Variants in SYTL2 observed in about 807,000 individuals in gnomAD.
SYTL2 encodes synaptotagmin like 2.
In SYTL2, 165 loss-of-function variants were observed where a neutral mutation model predicts 198.7. That is an observed-to-expected ratio of 0.83 (90% CI 0.73 to 0.94). The LOEUF (loss-of-function observed/expected upper bound fraction) is 0.94, where lower values mean the gene tolerates loss of function less well. SYTL2 is among the 40% of genes least tolerant of loss of function. The pLI, the probability that SYTL2 is intolerant of heterozygous loss-of-function variation, is 0.00. For missense variants in SYTL2, 2,835 were observed against 2,582.8 expected, an observed-to-expected ratio of 1.10 and a Z score of -2.12; for synonymous variants, 966 against 917.7, an observed-to-expected ratio of 1.05 and a Z score of -0.95.
At chr11:85,716,041 C>T (rs527678917) in intron 11 of SYTL2, among the ~76,000 whole-genome samples, 3 of 151,988 alleles carry the variant, frequency 2.0e-5, no homozygotes, top group Admixed American at 6.6e-5. Flanking sequence ...GAAAATATCA[C>T]AAAAAAGGGA....
At chr11:85,834,715 T>C in the SYTL2 span, among the ~76,000 whole-genome samples, 5 of 151,982 alleles carry the variant, frequency 3.3e-5, no homozygotes, top group Non-Finnish European at 2.9e-5. Flanking sequence ...GCAGGATAGA[T>C]TAAGCTATGA....
chr11:85,708,165 A>AT (rs1165181966), intron 14 of SYTL2: 1 of 433,522 alleles, frequency 2.3e-6, no homozygotes, highest in Non-Finnish European at 4.6e-6. Flanking sequence ...AAAAAAAAAA[A>AT]GAAAAAAAGA....
Position 85,772,785 on chromosome 11 carries a change from T to C in SYTL2, c.-389-14671A>G, listed in dbSNP as rs559309582. ...CCTAATGAGCAAATTTCATAAAATA[T>C]TCAGCTGGCCTTTTGGAGAAAAACA... On this transcript the variant is annotated intron_variant, in intron 1 of 19. Transcript: ENST00000359152. 7.2e-5 allele frequency among the ~76,000 whole-genome samples: 11 copies of C among 152,344 alleles called. No individual in the cohort carries two copies. In the South Asian group the frequency reaches 8.3e-4, roughly 11 times the overall value.
intron 1 of SYTL2, among the ~76,000 whole-genome samples, chr11:85,797,875 A>G (rs768260627): frequency 2.3e-4 from 35 of 151,784 alleles, no homozygotes; most frequent in Non-Finnish European, 4.4e-5. Flanking sequence ...GCTGCTTGAG[A>G]AGGAGTCTCA....
intron 3 of SYTL2, among the ~76,000 whole-genome samples, chr11:85,746,288 T>A (rs752405885): frequency 2.0e-5 from 3 of 152,164 alleles, no homozygotes; most frequent in Admixed American, 6.5e-5. Context: ...TCTCTACAAA[T>A]CCAAAACTAC....
rs534450850 is a variant in SYTL2 at position 85,748,283 on chromosome 11, G to T, written c.242C>A (p.Pro81His). Reference protein sequence around the residue: ...IIRASMRKKRPQIAAEQSKDR... With the variant: ...IIRASMRKKRHQIAAEQSKDR... ...CCAAGTCAACTCACCTGCTATCTGG[G>T]GCCTCTTCTTTCTCATAGATGCTCT... Residue 81 changes from proline to histidine, a missense_variant, in exon 3 of 20, where the codon CCC (proline) becomes CAC (histidine). Coordinates refer to ENST00000359152, the MANE Select transcript of SYTL2 (RefSeq NM_206927.4). The T allele has an allele frequency of 4.3e-6, 7 of 1,612,760 alleles. No homozygotes were observed. The South Asian group carries it at 6.6e-5, about 15-fold the overall frequency.
intron 1 of SYTL2, among the ~76,000 whole-genome samples, chr11:85,807,294 C>T (rs996749415): frequency 2.0e-5 from 3 of 152,218 alleles, no homozygotes; most frequent in African/African-American, 7.2e-5. Context: ...ACTTGAGTCC[C>T]AATAGAGCAT....
chr11:85,725,867 C>T lies in SYTL2; in HGVS notation c.3491G>A (p.Ser1164Asn), dbSNP rs369714015. ...AGGCCATGTCCTATTTTCAGAAACA[C>T]TTGGTTCAAGCACTTGTTTTCCATG... ...KVHGKQVLEP[S>N]VSENRTWPQK... is the part of the protein sequence containing the mutation. The change falls in exon 8 of 20, where the codon AGT (serine) becomes AAT (asparagine). Residue 1164 changes from serine to asparagine, a missense_variant. Coordinates refer to ENST00000359152, the MANE Select transcript of SYTL2 (RefSeq NM_206927.4). The T allele has an allele frequency of 1.8e-4, 289 of 1,613,860 alleles. 3 individuals are homozygous for T. In the South Asian group the frequency reaches 3.0e-3, roughly 17 times the overall value.
At chr11:85,814,282 T>C (rs1298940675), upstream of SYTL2, among the ~76,000 whole-genome samples, 2 of 152,202 alleles carry the variant, frequency 1.3e-5, no homozygotes, top group Non-Finnish European at 2.9e-5. Flanking sequence ...TCCTTCAACA[T>C]CTACCTTGGT....
chr11:85,725,128 G>A lies in SYTL2; in HGVS notation c.4230C>T (p.Pro1410=). ...FPEAVQPVCS[P]LNPPGVISPW... Reference sequence around the variant, plus strand: ...GTGATATCACTCCTGGAGGATTTAGGGGGCTACATACTGGCTGTACTGCTT... The same window carrying A: ...GTGATATCACTCCTGGAGGATTTAGAGGGCTACATACTGGCTGTACTGCTT... Residue 1410 remains proline, a synonymous_variant, in exon 8 of 20, where the codon CCC becomes CCT. Transcript: ENST00000359152. 1 of 1,614,092 alleles carries A rather than the reference G, an allele frequency of 6.2e-7. No individual in the cohort carries two copies. Among genetic ancestry groups the A allele is most frequent in the South Asian group, 1.1e-5 (1 of 91,064 alleles).
chr11:85,848,632 TG>T, the SYTL2 span, among the ~76,000 whole-genome samples: 1 of 152,266 alleles, frequency 6.6e-6, no homozygotes, highest in African/African-American at 2.4e-5. Flanking sequence ...CTTGATTTTT[TG>T]TTATATTCTA....
chr11:85,753,249 A>T (rs897811790), intron 2 of SYTL2, among the ~76,000 whole-genome samples: 3 of 152,172 alleles, frequency 2.0e-5, no homozygotes, highest in African/African-American at 7.2e-5. Context: ...AGCAGGAGAG[A>T]AGACACAGGA....
At chr11:85,784,237 C>T (rs781262594) in intron 1 of SYTL2, among the ~76,000 whole-genome samples, 1 of 152,172 alleles carries the variant, frequency 6.6e-6, no homozygotes, top group Admixed American at 6.5e-5. Context: ...TGAGACTATG[C>T]TTTGCAATAT....
intron 6 of SYTL2, 101 bp downstream of exon 6, chr11:85,736,400 C>G (rs2090338695): frequency 2.3e-5 from 15 of 645,946 alleles, no homozygotes; most frequent in South Asian, 2.3e-4. Context: ...GGACTTTTCA[C>G]TTTCTCTTGG....
chr11:85,836,150 T>A, the SYTL2 span, among the ~76,000 whole-genome samples: 110 of 152,254 alleles, frequency 7.2e-4, no homozygotes, highest in Non-Finnish European at 2.2e-4. Flanking sequence ...TCACTTATCT[T>A]CCATGGTATT....
chr11:85,738,405 C>G (rs1392679923), intron 4 of SYTL2, among the ~76,000 whole-genome samples: 1 of 152,012 alleles, frequency 6.6e-6, no homozygotes, highest in Non-Finnish European at 1.5e-5. Flanking sequence ...TAAAATACAG[C>G]CTGATTACAT....
At chr11:85,850,797 C>G in the SYTL2 span, among the ~76,000 whole-genome samples, 1 of 150,626 alleles carries the variant, frequency 6.6e-6, no homozygotes, top group Non-Finnish European at 1.5e-5. Flanking sequence ...CAATGATAGA[C>G]TGGATTAAGA....
intron 2 of SYTL2, among the ~76,000 whole-genome samples, chr11:85,754,899 A>G (rs1315472133): frequency 6.6e-6 from 1 of 152,190 alleles, no homozygotes; most frequent in Non-Finnish European, 1.5e-5. Flanking sequence ...CAGAGGGAAA[A>G]GCACCGGCCC....
Position 85,694,775 on chromosome 11 carries a change from C to G in SYTL2, c.*420G>C, listed in dbSNP as rs1037615498. 6.6e-6 allele frequency: 1 copy of G among 152,542 alleles called. No individual in the cohort carries two copies. Among genetic ancestry groups the G allele is most frequent in the Non-Finnish European group, 1.5e-5 (1 of 68,480 alleles). The allele number at this position is 152,542 out of a possible 1,614,324, so 9.4% of individuals were successfully genotyped here. A position where few individuals can be genotyped will look rare whatever the true frequency, so the allele number is the denominator to read the frequency against. ...TCCCTGCTCCACTTTGAGTATCTTTCTGCGACTTTTTCCCACAACCTACAA... is the reference window on the plus strand; with the variant it reads ...TCCCTGCTCCACTTTGAGTATCTTTGTGCGACTTTTTCCCACAACCTACAA... On this transcript the variant is annotated 3_prime_UTR_variant, in exon 20 of 20. Transcript: ENST00000359152.
Sources: allele counts gnomAD v4.1 joint callset (sites outside exome capture counted in the v4.1 genomes callset), GRCh38; gene constraint gnomAD v4.1.1; transcripts MANE v1.5; gene names NCBI Gene and HGNC (gene_info 2026-07-23, HGNC 2026-07-21).